Variants in NEO1 observed in about 807,000 individuals in gnomAD.
The protein encoded by NEO1 is neogenin 1, also known as neogenin.
A neutral mutation model predicts 159.7 loss-of-function variants in NEO1; 63 were observed. The ratio of observed to expected loss-of-function variants is 0.39; its 90% CI spans 0.32 to 0.49. NEO1 has a LOEUF of 0.49. NEO1 is among the 20% of genes least tolerant of loss of function. NEO1 has a pLI of 0.85. For synonymous variants in NEO1, 633 were observed against 662.0 expected, an observed-to-expected ratio of 0.96 and a Z score of 0.67; for missense variants, 1,615 against 1,831.0, an observed-to-expected ratio of 0.88 and a Z score of 2.15.
chr15:73,215,858 T>C (rs2037848283), intron 7 of NEO1, among the ~76,000 whole-genome samples: 1 of 152,204 alleles, frequency 6.6e-6, no homozygotes, highest in Non-Finnish European at 1.5e-5. Flanking sequence ...AAAGGATTGG[T>C]ACCAATTCTT....
At chr15:73,116,921 G>A (rs1744930382) in intron 2 of NEO1, 64 bp downstream of exon 2, 2 of 1,297,726 alleles carry the variant, frequency 1.5e-6, no homozygotes, top group African/African-American at 3.0e-5. Flanking sequence ...CTTGATAAAA[G>A]CACTGTTCTC....
intron 1 of NEO1, among the ~76,000 whole-genome samples, chr15:73,083,506 A>G (rs4777585): frequency 0.71 from 107,738 of 151,936 alleles, 39,193 homozygotes; most frequent in African/African-American, 0.88. Flanking sequence ...TCAGTTCACA[A>G]TACATTATCA....
At chr15:73,221,575 G>C (rs2038266276) in intron 7 of NEO1, 1 of 154,058 alleles carries the variant, frequency 6.5e-6, no homozygotes, top group Admixed American at 6.5e-5. Flanking sequence ...GCTGTGGTGG[G>C]CTCCACCCAG....
chr15:73,222,141 G>T (rs1472022709), intron 7 of NEO1: 1 of 99,868 alleles, frequency 1.0e-5, no homozygotes, highest in Non-Finnish European at 1.8e-5. Flanking sequence ...GTCTTGCTCT[G>T]TCTCCCAGGC....
intron 1 of NEO1, among the ~76,000 whole-genome samples, chr15:73,092,004 A>G (rs8033192): frequency 6.6e-6 from 1 of 152,142 alleles, no homozygotes; most frequent in Non-Finnish European, 1.5e-5. Flanking sequence ...TGATTACCGA[A>G]TAAAAGTACA....
chr15:73,164,568 C>G (rs1267867030), intron 5 of NEO1, among the ~76,000 whole-genome samples: 1 of 152,148 alleles, frequency 6.6e-6, no homozygotes, highest in African/African-American at 2.4e-5. Flanking sequence ...TGTTGAATAG[C>G]TTCATCAATA....
At chr15:73,209,973 A>G (rs1357817402) in intron 7 of NEO1, among the ~76,000 whole-genome samples, 1 of 152,196 alleles carries the variant, frequency 6.6e-6, no homozygotes, top group East Asian at 1.9e-4. Context: ...ATTGCACTCC[A>G]GCCTGGGCAA....
chr15:73,181,654 A>T (rs776129775), intron 7 of NEO1, among the ~76,000 whole-genome samples: 1 of 152,028 alleles, frequency 6.6e-6, no homozygotes, highest in African/African-American at 2.4e-5. Context: ...CTTTTAAACA[A>T]CCAGATCTTG....
intron 8 of NEO1, among the ~76,000 whole-genome samples, chr15:73,240,792 G>A (rs571941330): frequency 6.6e-6 from 1 of 152,282 alleles, no homozygotes; most frequent in South Asian, 2.1e-4. Flanking sequence ...GAAGATTTTG[G>A]GAGACCATAA....
chr15:73,300,587 C>T (rs1324459531), intron 27 of NEO1, among the ~76,000 whole-genome samples: 2 of 152,122 alleles, frequency 1.3e-5, no homozygotes, highest in Non-Finnish European at 1.5e-5. Context: ...AAAAGTTAGC[C>T]GGGTGTGGTA....
At chr15:73,295,919 C>A (rs561227021) in intron 26 of NEO1, among the ~76,000 whole-genome samples, 1 of 152,198 alleles carries the variant, frequency 6.6e-6, no homozygotes, top group African/African-American at 2.4e-5. Flanking sequence ...GCAAGTCAGT[C>A]AGGAAGTAGC....
At position 73,249,613 on chromosome 15, in the gene NEO1, A is replaced by G; in HGVS notation, c.1786A>G (p.Ile596Val). The change falls in exon 11 of 29, where the codon ATT becomes GTT. Residue 596 changes from isoleucine (I) to valine (V), a missense_variant. Physicochemically the swap from Ile to Val is conservative, Grantham distance 29. Coordinates refer to ENST00000261908, the MANE Select transcript of NEO1 (RefSeq NM_002499.4). ...TGATGTTTCAAGTCACTCTTACACC[A>G]TTAATGGGTTGAAAAAATATACAGA... ...DVDVSSHSYT[I>V]NGLKKYTEYS... The G allele has an allele frequency of 6.2e-7, 1 of 1,613,472 alleles. No individual in the cohort carries two copies. Among genetic ancestry groups the G allele is most frequent in the Non-Finnish European group, 8.5e-7 (1 of 1,179,762 alleles).
upstream of NEO1, chr15:73,051,697 C>T (rs2067443910): frequency 6.6e-6 from 1 of 151,892 alleles, no homozygotes; most frequent in South Asian, 2.1e-4. Flanking sequence ...GGCGGCCCGG[C>T]TTGGGAGCCG....
At chr15:73,133,921 A>G (rs2031442217) in intron 4 of NEO1, among the ~76,000 whole-genome samples, 1 of 152,174 alleles carries the variant, frequency 6.6e-6, no homozygotes, top group Admixed American at 6.5e-5. Context: ...CAGGCACATC[A>G]AGTATCAACA....
intron 4 of NEO1, among the ~76,000 whole-genome samples, chr15:73,131,381 A>T (rs1003209160): frequency 7.2e-5 from 11 of 152,194 alleles, no homozygotes; most frequent in Non-Finnish European, 1.5e-4. Flanking sequence ...GGTTTGAAAA[A>T]ATTTACCTCT....
intron 1 of NEO1, among the ~76,000 whole-genome samples, chr15:73,112,689 C>A (rs1428756801): frequency 6.6e-6 from 1 of 151,964 alleles, no homozygotes; most frequent in African/African-American, 2.4e-5. Flanking sequence ...AGATCACAGA[C>A]CCTGGTTCTG....
At chr15:73,300,836 T>C (rs748165666) in intron 27 of NEO1, among the ~76,000 whole-genome samples, 2 of 152,252 alleles carry the variant, frequency 1.3e-5, no homozygotes, top group Non-Finnish European at 2.9e-5. Flanking sequence ...ATAAAAAATA[T>C]GTATTCCTTT....
intron 18 of NEO1, among the ~76,000 whole-genome samples, chr15:73,270,832 T>A (rs1431430132): frequency 3.9e-5 from 6 of 152,230 alleles, no homozygotes; most frequent in African/African-American, 1.4e-4. Flanking sequence ...TGCAGTTTGC[T>A]TGCAAGCAAA....
chr15:73,141,357 C>CT (rs2032367803), intron 5 of NEO1, among the ~76,000 whole-genome samples: 1 of 152,096 alleles, frequency 6.6e-6, no homozygotes, highest in Admixed American at 6.5e-5. Flanking sequence ...GATTTATTGT[C>CT]TTATCATTAA....
Sources: allele counts gnomAD v4.1 joint callset (sites outside exome capture counted in the v4.1 genomes callset), GRCh38; gene constraint gnomAD v4.1.1; transcripts MANE v1.5; gene names NCBI Gene and HGNC (gene_info 2026-07-23, HGNC 2026-07-21).